ZSWIM5: variants seen among roughly 807,000 people sequenced by gnomAD.
ZSWIM5 encodes zinc finger SWIM-type containing 5.
ZSWIM5 carries 55 observed loss-of-function variants against 119.6 expected under a neutral mutation model. The ratio of observed to expected loss-of-function variants is 0.46; its 90% CI spans 0.37 to 0.58. ZSWIM5 has a LOEUF of 0.58. Among genes scored for constraint, ZSWIM5 ranks in the 20% least tolerant of loss-of-function variants. The probability of loss-of-function intolerance (pLI) is 0.00; values close to 1 mark genes in which losing one functional copy is unlikely to be tolerated. For missense variants in ZSWIM5, 1,193 were observed against 1,512.8 expected (o/e 0.79, Z 3.51); for synonymous variants, 537 against 606.9 (o/e 0.88, Z 1.69).
rs376358878 is a variant in ZSWIM5, at chr1:45,131,503, C to T, written c.596-43266G>A. On this transcript the variant is annotated intron_variant, in intron 1 of 13. Transcript: ENST00000359600. ...CTTTGGGAGGCTGAGGTGGGTGGAC[C>T]ACTTAAGCTCCGGAATTTGAAACCA... Among the ~76,000 whole-genome samples, 297 of 151,966 alleles carry T rather than the reference C, an allele frequency of 2.0e-3. 13 individuals are homozygous for T. The South Asian group carries it at 0.059, about 30-fold the overall frequency.
intron 1 of ZSWIM5, among the ~76,000 whole-genome samples, chr1:45,116,017 G>T (rs1645555616): frequency 6.6e-6 from 1 of 152,068 alleles, no homozygotes; most frequent in Non-Finnish European, 1.5e-5. Context: ...TGAGGCAGGA[G>T]AATCAGGCAG....
intron 11 of ZSWIM5, among the ~76,000 whole-genome samples, chr1:45,031,821 C>A (rs1016492957): frequency 8.1e-6 from 1 of 123,384 alleles, no homozygotes; most frequent in Non-Finnish European, 1.6e-5. Context: ...ACCTGGGCAA[C>A]GGAGTAAGAC....
intron 2 of ZSWIM5, among the ~76,000 whole-genome samples, chr1:45,062,565 A>G (rs1439985355): frequency 6.6e-6 from 1 of 152,118 alleles, no homozygotes; most frequent in African/African-American, 2.4e-5. Context: ...TAGTGGTGCC[A>G]TCATGGCTCA....
chr1:45,115,185 G>C (rs137898376), intron 1 of ZSWIM5, among the ~76,000 whole-genome samples: 2 of 152,082 alleles, frequency 1.3e-5, no homozygotes, highest in Non-Finnish European at 2.9e-5. Context: ...GGTGGCCGCC[G>C]GGCAGAGGGG....
At chr1:45,173,022 G>A (rs1645955675) in intron 1 of ZSWIM5, among the ~76,000 whole-genome samples, 2 of 151,908 alleles carry the variant, frequency 1.3e-5, no homozygotes, top group African/African-American at 2.4e-5. Context: ...AAAATTAGCC[G>A]GGCATGGTGG....
intron 11 of ZSWIM5, among the ~76,000 whole-genome samples, chr1:45,030,540 C>G (rs554929141): frequency 6.6e-6 from 1 of 152,336 alleles, no homozygotes; most frequent in South Asian, 2.1e-4. Flanking sequence ...AGCCACTGAG[C>G]CTGGCCCTGG....
Position 45,018,212 on chromosome 1 carries a change from G to A in ZSWIM5, c.*242C>T. 1 of 567,100 alleles carries A rather than the reference G, an allele frequency of 1.8e-6. No individual in the cohort carries two copies. Among genetic ancestry groups the A allele is most frequent in the African/African-American group, 1.9e-5 (1 of 53,414 alleles). The allele number at this position is 567,100 out of a possible 1,614,324, so 35.1% of individuals were successfully genotyped here. On this transcript the variant is annotated 3_prime_UTR_variant, in exon 14 of 14. Coordinates refer to ENST00000359600, the MANE Select transcript of ZSWIM5 (RefSeq NM_020883.2). The surrounding 1 kb of genome is among the most constrained non-coding windows in gnomAD (Gnocchi z 6.7). The stretch of plus-strand genomic sequence containing the variant: ...ATAGGGGCATGAGGTGGCATGTTGT[G>A]GGGTTTCTGGTCGATCTGCAGGGCC...
intron 11 of ZSWIM5, among the ~76,000 whole-genome samples, chr1:45,031,485 C>A (rs1233843722): frequency 6.6e-6 from 1 of 151,816 alleles, no homozygotes; most frequent in Non-Finnish European, 1.5e-5. Context: ...CACCTGTCTG[C>A]TCTCATTTTT....
rs372746434 is a variant in ZSWIM5, at chr1:45,183,993, T to A, written c.595+21763A>T. Among the ~76,000 whole-genome samples the A allele has an allele frequency of 4.0e-3, 613 of 151,992 alleles. 3 individuals carry two copies. Among genetic ancestry groups the A allele is most frequent in the African/African-American group, 0.014 (578 of 41,470 alleles). Reference sequence around the variant, plus strand: ...TCCTTGATGAACATTGATGCAAAAATCCTCAATAAAATACTGGCAAACCGA... The same window carrying A: ...TCCTTGATGAACATTGATGCAAAAAACCTCAATAAAATACTGGCAAACCGA... On this transcript the variant is annotated intron_variant, in intron 1 of 13. Transcript: ENST00000359600.
At position 45,088,959 on chromosome 1, in the gene ZSWIM5, T is replaced by C. The variant is rs529442881; in HGVS notation, c.596-722A>G. On this transcript the variant is annotated intron_variant, in intron 1 of 13. Transcript: ENST00000359600. This position sits in a 1 kb window ranked among gnomAD's most constrained non-coding sequence, Gnocchi z 4.2. ...CAAATCAATTCTATAATATTAATTATGCTTTATTATTATTTTTATCTCTGG... is the reference window on the plus strand; with the variant it reads ...CAAATCAATTCTATAATATTAATTACGCTTTATTATTATTTTTATCTCTGG... Among the ~76,000 whole-genome samples, 3 of 152,218 alleles carry C rather than the reference T, an allele frequency of 2.0e-5. No individual in the cohort carries two copies.
chr1:45,115,375 C>A (rs1379010398), intron 1 of ZSWIM5, among the ~76,000 whole-genome samples: 1 of 151,908 alleles, frequency 6.6e-6, no homozygotes, highest in East Asian at 1.9e-4. Flanking sequence ...CTCCTCACTT[C>A]CCAGACTGGG....
chr1:45,089,264 G>A (rs1645350208), intron 1 of ZSWIM5, among the ~76,000 whole-genome samples: 1 of 152,192 alleles, frequency 6.6e-6, no homozygotes, highest in Non-Finnish European at 1.5e-5. Context: ...TTACAGGCGT[G>A]AGCCACCATG....
At chr1:45,107,816 G>A (rs917579040) in intron 1 of ZSWIM5, among the ~76,000 whole-genome samples, 1 of 151,722 alleles carries the variant, frequency 6.6e-6, no homozygotes, top group African/African-American at 2.4e-5. Flanking sequence ...TTTTGAGACA[G>A]GGTCTTGCTA....
At chr1:45,115,643 A>G (rs1645551776) in intron 1 of ZSWIM5, among the ~76,000 whole-genome samples, 1 of 136,372 alleles carries the variant, frequency 7.3e-6, no homozygotes, top group Admixed American at 7.3e-5. Flanking sequence ...GGCGCTCCTC[A>G]CTTCCCAGGC....
chr1:45,125,234 T>G (rs1175227241), intron 1 of ZSWIM5, among the ~76,000 whole-genome samples: 2 of 151,962 alleles, frequency 1.3e-5, no homozygotes, highest in Non-Finnish European at 2.9e-5. Context: ...TAATACAGAG[T>G]GTGTTATCTG....
chr1:45,076,407 T>A (rs923002080), intron 2 of ZSWIM5, among the ~76,000 whole-genome samples: 1 of 152,158 alleles, frequency 6.6e-6, no homozygotes, highest in Non-Finnish European at 1.5e-5. Context: ...GGATCAAAGT[T>A]TTTTTCCTTC....
intron 1 of ZSWIM5, among the ~76,000 whole-genome samples, chr1:45,144,651 A>ATATT (rs1645750398): frequency 6.6e-6 from 1 of 152,244 alleles, no homozygotes. Context: ...AACATCAATA[A>ATATT]GCAAAATGAA....
At chr1:45,094,042 T>C (rs1447948158) in intron 1 of ZSWIM5, among the ~76,000 whole-genome samples, 1 of 146,702 alleles carries the variant, frequency 6.8e-6, no homozygotes, top group African/African-American at 2.5e-5. Flanking sequence ...TATTTATTTA[T>C]TTATTTATTT....
intron 1 of ZSWIM5, among the ~76,000 whole-genome samples, chr1:45,182,142 C>A (rs1166626271): frequency 6.6e-6 from 1 of 152,278 alleles, no homozygotes; most frequent in Admixed American, 6.5e-5. Context: ...CTGGGCCGGG[C>A]GCGGTGGCTC....
Sources: allele counts gnomAD v4.1 joint callset (sites outside exome capture counted in the v4.1 genomes callset), GRCh38; gene constraint gnomAD v4.1.1; non-coding constraint Gnocchi (gnomAD v3.1); transcripts MANE v1.5; gene names NCBI Gene and HGNC (gene_info 2026-07-23, HGNC 2026-07-21).